The following MALRD1 variants were observed in gnomAD, a reference collection of about 807,000 sequenced individuals.
MALRD1 encodes MAM and LDL receptor class A domain containing 1, also known as MAM and LDL-receptor class A domain-containing protein 1.
MALRD1 carries 247 observed loss-of-function variants against 242.1 expected under a neutral mutation model. The observed-to-expected ratio is 1.02, with a 90% confidence interval of 0.92 to 1.13. The LOEUF (loss-of-function observed/expected upper bound fraction) is 1.13. MALRD1 is among the 50% of genes most tolerant of loss of function. The probability of loss-of-function intolerance (pLI) is 0.00; values close to 1 mark genes in which losing one functional copy is unlikely to be tolerated. For synonymous variants in MALRD1, 995 were observed against 866.6 expected, an observed-to-expected ratio of 1.15 and a Z score of -2.60; for missense variants, 2,989 against 2,533.1, an observed-to-expected ratio of 1.18 and a Z score of -3.86.
At chr10:19,218,275 G>A (rs1837410862) in intron 18 of MALRD1, among the ~76,000 whole-genome samples, 1 of 152,108 alleles carries the variant, frequency 6.6e-6, no homozygotes, top group African/African-American at 2.4e-5. Context: ...AATTATGACA[G>A]GTGAATATTA....
intron 18 of MALRD1, among the ~76,000 whole-genome samples, chr10:19,238,468 A>ATAATGTATAATATATATT (rs373763200): frequency 1.1e-4 from 4 of 38,066 alleles, no homozygotes; most frequent in African/African-American, 6.3e-4. Flanking sequence ...TATATAATAT[A>ATAATGTATAATATATATT]ATATATAATA....
intron 26 of MALRD1, among the ~76,000 whole-genome samples, chr10:19,352,540 C>G (rs568188751): frequency 6.6e-6 from 1 of 152,244 alleles, no homozygotes; most frequent in South Asian, 2.1e-4. Flanking sequence ...TAGTCACCTT[C>G]CTCTTAGATC....
chr10:19,378,762 T>C (rs1591340), intron 26 of MALRD1, among the ~76,000 whole-genome samples: 1,545 of 152,254 alleles, frequency 0.01, 27 homozygotes, highest in African/African-American at 0.035. Context: ...ATGAGACATA[T>C]TGGTCTATCA....
intron 36 of MALRD1, among the ~76,000 whole-genome samples, chr10:19,632,419 G>C (rs1839944871): frequency 6.6e-6 from 1 of 152,078 alleles, no homozygotes; most frequent in South Asian, 2.1e-4. Context: ...TTCTCCCAGA[G>C]CTCTGAATAG....
At chr10:19,087,656 T>G (rs1835716637) in intron 2 of MALRD1, among the ~76,000 whole-genome samples, 184 bp from the exon 3 acceptor site, 1 of 151,976 alleles carries the variant, frequency 6.6e-6, no homozygotes, top group South Asian at 2.1e-4. Context: ...TCATGGAGAA[T>G]GGGGTATCCA....
chr10:19,618,423 G>A (rs1239579799), intron 36 of MALRD1, among the ~76,000 whole-genome samples: 3 of 151,976 alleles, frequency 2.0e-5, no homozygotes, highest in African/African-American at 7.2e-5. Context: ...CTTTGACAAT[G>A]GTTGAAGTAA....
intron 26 of MALRD1, among the ~76,000 whole-genome samples, chr10:19,384,285 AATATATGTATT>A (rs964965840): frequency 1.1e-4 from 15 of 136,294 alleles, no homozygotes; most frequent in African/African-American, 3.3e-4. Flanking sequence ...TCTTATATAT[AATATATGTATT>A]ATATATGTAT....
intron 28 of MALRD1, among the ~76,000 whole-genome samples, chr10:19,423,999 G>A (rs758645469): frequency 2.6e-5 from 4 of 152,092 alleles, no homozygotes; most frequent in Non-Finnish European, 4.4e-5. Flanking sequence ...TGCAACCTTA[G>A]AGATGGACAT....
At chr10:19,097,978 T>G (rs995555983) in intron 4 of MALRD1, among the ~76,000 whole-genome samples, 1 of 152,182 alleles carries the variant, frequency 6.6e-6, no homozygotes, top group Non-Finnish European at 1.5e-5. Flanking sequence ...GGGAACACCC[T>G]GCTCTGTCTA....
chr10:19,519,986 CTTG>C (rs917900840), intron 31 of MALRD1, among the ~76,000 whole-genome samples: 5 of 152,210 alleles, frequency 3.3e-5, no homozygotes, highest in East Asian at 3.9e-4. Flanking sequence ...TAGAACATGT[CTTG>C]TTGTCAAAAC....
At chr10:19,265,650 T>C (rs1159159728) in intron 19 of MALRD1, among the ~76,000 whole-genome samples, 1 of 152,122 alleles carries the variant, frequency 6.6e-6, no homozygotes, top group East Asian at 1.9e-4. Flanking sequence ...ATATTATCTA[T>C]CCTGGGGAAT....
At chr10:19,719,213 C>T (rs7902901) in intron 38 of MALRD1, among the ~76,000 whole-genome samples, 55,098 of 85,304 alleles carry the variant, frequency 0.65, 16,994 homozygotes, top group South Asian at 0.73. Context: ...TATATATATA[C>T]ACATACATAC....
chr10:19,238,017 G>GAA (rs1180133170), intron 18 of MALRD1, among the ~76,000 whole-genome samples: 3 of 19,814 alleles, frequency 1.5e-4, no homozygotes, highest in African/African-American at 6.0e-4. Flanking sequence ...ATAATTATAT[G>GAA]TAATTTTATA....
In MALRD1 at chr10:19,371,150, C is replaced by T. The variant is rs1229330075; in HGVS notation, c.4442-16378C>T. ...TGGTGGCATGCACCTGTCGTCCCAG[C>T]TCTCAGGAGGATCACTTGAGCCCAG... On this transcript the variant is annotated intron_variant, in intron 26 of 39. Transcript: ENST00000454679. Among the ~76,000 whole-genome samples the T allele has an allele frequency of 2.0e-5, 3 of 150,982 alleles. No individual in the cohort carries two copies. In the East Asian group the frequency reaches 5.8e-4, roughly 29 times the overall value.
intron 29 of MALRD1, among the ~76,000 whole-genome samples, chr10:19,476,505 G>C (rs185058251): frequency 1.3e-5 from 2 of 152,044 alleles, no homozygotes; most frequent in East Asian, 3.9e-4. Flanking sequence ...AGGTTTCTGT[G>C]GTCCATAATC....
At chr10:19,330,562 T>A (rs1843319302) in intron 23 of MALRD1, among the ~76,000 whole-genome samples, 1 of 152,156 alleles carries the variant, frequency 6.6e-6, no homozygotes, top group Non-Finnish European at 1.5e-5. Flanking sequence ...AAAAACTTAA[T>A]AAAAAGACTG....
At chr10:19,497,857 A>G (rs1322460023) in intron 30 of MALRD1, among the ~76,000 whole-genome samples, 1 of 152,216 alleles carries the variant, frequency 6.6e-6, no homozygotes, top group Non-Finnish European at 1.5e-5. Context: ...GGCACTTTTC[A>G]CAGGTGACTA....
intron 26 of MALRD1, among the ~76,000 whole-genome samples, chr10:19,381,904 A>G (rs2130787567): frequency 6.6e-6 from 1 of 152,202 alleles, no homozygotes; most frequent in African/African-American, 2.4e-5. Flanking sequence ...ATGAGAGTTC[A>G]GGGAATAAAT....
chr10:19,673,966 A>G (rs189837926), intron 36 of MALRD1, among the ~76,000 whole-genome samples: 1 of 152,196 alleles, frequency 6.6e-6, no homozygotes, highest in East Asian at 1.9e-4. Flanking sequence ...TTGGGTAGTA[A>G]AAAATGCAAT....
Sources: gnomAD v4.1 joint callset for allele counts (sites outside exome capture counted in the v4.1 genomes callset) on GRCh38, gnomAD v4.1.1 for gene constraint, MANE v1.5 for transcripts, NCBI Gene and HGNC (gene_info 2026-07-23, HGNC 2026-07-21) for gene names.